The following PRRC2C variants were observed in gnomAD, a reference collection of about 807,000 sequenced individuals.
PRRC2C encodes protein PRRC2C.
PRRC2C carries 72 observed loss-of-function variants against 317.2 expected under a neutral mutation model. The observed-to-expected ratio is 0.23, with a 90% CI of 0.19 to 0.28. PRRC2C has a LOEUF of 0.28. PRRC2C is among the 10% of genes least tolerant of loss of function. The pLI, the probability that PRRC2C is intolerant of heterozygous loss-of-function variation, is 1.00. For missense variants in PRRC2C, 3,074 were observed against 3,459.7 expected, an observed-to-expected ratio of 0.89 and a Z score of 2.80; for synonymous variants, 1,296 against 1,205.9, an observed-to-expected ratio of 1.07 and a Z score of -1.55.
At position 171,541,660 on chromosome 1, in the gene PRRC2C, G is replaced by A. The variant is rs1371903529; in HGVS notation, c.4194G>A (p.Gln1398=). ...EDGEPPRRHE[Q]FIPIAADKRP... ...GAGAGCCGCCAAGAAGACATGAGCAGTTTATTCCTATAGCAGCAGATAAAC... is the reference window on the plus strand; with the variant it reads ...GAGAGCCGCCAAGAAGACATGAGCAATTTATTCCTATAGCAGCAGATAAAC... The change falls in exon 16 of 35, where the codon CAG becomes CAA. Residue 1398 remains glutamine (Q), a synonymous_variant. Coordinates refer to ENST00000647382, the MANE Select transcript of PRRC2C (RefSeq NM_001387844.1). This position sits in a 1 kb window ranked among gnomAD's most constrained non-coding sequence, Gnocchi z 4.1. 3.7e-6 allele frequency: 6 copies of A among 1,613,856 alleles called. No homozygotes were observed. Among genetic ancestry groups the A allele is most frequent in the Non-Finnish European group, 5.1e-6 (6 of 1,179,878 alleles).
chr1:171,504,831 T>C (rs867491469), intron 1 of PRRC2C, among the ~76,000 whole-genome samples: 1 of 152,198 alleles, frequency 6.6e-6, no homozygotes, highest in Non-Finnish European at 1.5e-5. Context: ...AAATTTCTTC[T>C]GAGGTTTTGT....
chr1:171,518,147 C>A (rs966038668), intron 6 of PRRC2C, among the ~76,000 whole-genome samples: 5 of 152,136 alleles, frequency 3.3e-5, no homozygotes, highest in Non-Finnish European at 7.4e-5. Context: ...CAGATATTTT[C>A]ATATCACATT....
intron 1 of PRRC2C, among the ~76,000 whole-genome samples, chr1:171,504,534 C>G (rs1194341225): frequency 1.3e-5 from 2 of 152,118 alleles, no homozygotes; most frequent in Non-Finnish European, 2.9e-5. Flanking sequence ...GGAAGACTGT[C>G]CTTTATCCAC....
At chr1:171,560,212 G>A (rs537447986) in intron 19 of PRRC2C, among the ~76,000 whole-genome samples, 17 of 152,180 alleles carry the variant, frequency 1.1e-4, no homozygotes, top group Non-Finnish European at 2.4e-4. Flanking sequence ...ACAGGGGTTT[G>A]GAAGAAGTTG....
intron 24 of PRRC2C, among the ~76,000 whole-genome samples, chr1:171,571,867 A>T (rs959717086): frequency 6.6e-6 from 1 of 152,182 alleles, no homozygotes; most frequent in Admixed American, 6.5e-5. Context: ...ACACTGTATG[A>T]TTATTTTATG....
chr1:171,589,781 T>C (rs2102900718), intron 34 of PRRC2C, among the ~76,000 whole-genome samples, 176 bp downstream of exon 34: 1 of 152,138 alleles, frequency 6.6e-6, no homozygotes, highest in Non-Finnish European at 1.5e-5. Flanking sequence ...TTCCCATTCC[T>C]TTCATCTTTT....
chr1:171,490,886 TC>T (rs1406529950), intron 1 of PRRC2C, among the ~76,000 whole-genome samples: 1 of 152,240 alleles, frequency 6.6e-6, no homozygotes, highest in Non-Finnish European at 1.5e-5. Flanking sequence ...GTCCTTTTTG[TC>T]ACTTTGTGCC....
chr1:171,541,510 A>T lies in PRRC2C; in HGVS notation c.4044A>T (p.Gly1348=). 1 of 1,613,594 alleles carries T rather than the reference A, an allele frequency of 6.2e-7. No individual in the cohort carries two copies. Among genetic ancestry groups the T allele is most frequent in the Non-Finnish European group, 8.5e-7 (1 of 1,179,734 alleles). Residue 1348 remains glycine, a synonymous_variant, in exon 16 of 35, where the codon GGA becomes GGT. Coordinates refer to ENST00000647382, the MANE Select transcript of PRRC2C (RefSeq NM_001387844.1). The surrounding 1 kb of genome is among the most constrained non-coding windows in gnomAD (Gnocchi z 4.1). ...AGCCTACAAGGAGAGGCAGAGGGGGAACATTCAGGCGTGGTGGAAGGGATC... is the reference window on the plus strand; with the variant it reads ...AGCCTACAAGGAGAGGCAGAGGGGGTACATTCAGGCGTGGTGGAAGGGATC... ...KGEPTRRGRG[G]TFRRGGRDPG...
At chr1:171,577,009 T>C (rs945847996) in intron 25 of PRRC2C, among the ~76,000 whole-genome samples, 1 of 152,212 alleles carries the variant, frequency 6.6e-6, no homozygotes, top group African/African-American at 2.4e-5. Flanking sequence ...TCAAGGCCCA[T>C]GTATATTCAT....
chr1:171,542,324 A>G, intron 16 of PRRC2C, 95 bp downstream of exon 16: 3 of 1,102,952 alleles, frequency 2.7e-6, no homozygotes, highest in South Asian at 3.5e-5. Context: ...CAGTCTAGAT[A>G]AAGGACCAAA....
chr1:171,549,557 A>G (rs1333360387), intron 17 of PRRC2C, among the ~76,000 whole-genome samples: 1 of 152,032 alleles, frequency 6.6e-6, no homozygotes, highest in African/African-American at 2.4e-5. Flanking sequence ...ATATCATTCA[A>G]AACAGGTATT....
chr1:171,499,871 A>C (rs1668771524), intron 1 of PRRC2C, among the ~76,000 whole-genome samples: 1 of 152,236 alleles, frequency 6.6e-6, no homozygotes, highest in Admixed American at 6.5e-5. Context: ...GAAAGCTGTC[A>C]TAGTCATGGA....
chr1:171,490,150 C>G (rs962141083), intron 1 of PRRC2C, among the ~76,000 whole-genome samples: 1 of 152,160 alleles, frequency 6.6e-6, no homozygotes, highest in African/African-American at 2.4e-5. Flanking sequence ...AACTCCTGAC[C>G]TCGTGATCCG....
At chr1:171,584,846 C>T (rs924000096) in intron 30 of PRRC2C, among the ~76,000 whole-genome samples, 2 of 152,108 alleles carry the variant, frequency 1.3e-5, no homozygotes, top group East Asian at 1.9e-4. Context: ...GATCATGGCT[C>T]ATTGCAGCCC....
rs769663312 is a variant in PRRC2C, at chr1:171,550,117, A to G, written c.5004A>G (p.Val1668=). Residue 1668 remains valine, a synonymous_variant, in exon 18 of 35, where the codon GTA becomes GTG. Transcript: ENST00000647382. The stretch of plus-strand genomic sequence containing the variant: ...TTATAATTGATGATCATCCTGAAGT[A>G]ACAGTAATTGAAGATCCCCAGTCAA... ...SVVIIDDHPE[V]TVIEDPQSNL... 1 of 1,608,092 alleles carries G rather than the reference A, an allele frequency of 6.2e-7. No homozygotes were observed. Among genetic ancestry groups the G allele is most frequent in the East Asian group, 2.2e-5 (1 of 44,748 alleles).
chr1:171,587,035 C>T lies in PRRC2C; in HGVS notation c.7782C>T (p.Ser2594=). The stretch of plus-strand genomic sequence containing the variant: ...TACCTTTACCAGCATCGCAGCTTTC[C>T]TTGCCTAATTTTGGATCTACAGGGC... ...VTVPLPASQL[S]LPNFGSTGQP... The change falls in exon 31 of 35, where the codon TCC becomes TCT. Residue 2594 remains serine (S), a synonymous_variant. Coordinates refer to ENST00000647382, the MANE Select transcript of PRRC2C (RefSeq NM_001387844.1). The T allele has an allele frequency of 6.2e-7, 1 of 1,610,610 alleles. No individual in the cohort carries two copies. Among genetic ancestry groups the T allele is most frequent in the Non-Finnish European group, 8.5e-7 (1 of 1,178,240 alleles).
rs766519896 is a variant in PRRC2C, at chr1:171,587,108, A to C, written c.7855A>C (p.Thr2619Pro). Residue 2619 changes from threonine to proline, a missense_variant, in exon 31 of 35, where the codon ACC becomes CCC. Physicochemically the swap from Thr to Pro is conservative, Grantham distance 38. Around this residue, in one of 11 missense-constraint regions of PRRC2C, gnomAD observed 490 missense variants for 663.1 expected, o/e 0.74. Coordinates refer to ENST00000647382, the MANE Select transcript of PRRC2C (RefSeq NM_001387844.1). Reference sequence around the variant, plus strand: ...GACTCTTCAGCCCCCATTACAGCATACCACTCCCCAAGCACAGGCTCAGAG... The same window carrying C: ...GACTCTTCAGCCCCCATTACAGCATCCCACTCCCCAAGCACAGGCTCAGAG... ...PQTLQPPLQH[T>P]TPQAQAQSLS... 1 of 1,611,888 alleles carries C rather than the reference A, an allele frequency of 6.2e-7. No individual in the cohort carries two copies. Among genetic ancestry groups the C allele is most frequent in the Non-Finnish European group, 8.5e-7 (1 of 1,179,094 alleles).
At chr1:171,526,869 C>T (rs1460977683) in intron 10 of PRRC2C, among the ~76,000 whole-genome samples, 5 of 123,450 alleles carry the variant, frequency 4.1e-5, no homozygotes, top group Non-Finnish European at 7.9e-5. Flanking sequence ...AATGCAGTGG[C>T]GTGATCTCCG....
intron 26 of PRRC2C, among the ~76,000 whole-genome samples, chr1:171,578,509 G>GGCGGAGTGAGGCCCTGTCTCGTCGTAA (rs1185422152): frequency 6.6e-6 from 1 of 152,178 alleles, no homozygotes; most frequent in Non-Finnish European, 1.5e-5. Flanking sequence ...ACTCCAGCCT[G>GGCGGAGTGAGGCCCTGTCTCGTCGTAA]GCGGAGTGAG....
Sources: allele counts gnomAD v4.1 joint callset (sites outside exome capture counted in the v4.1 genomes callset), GRCh38; gene constraint gnomAD v4.1.1; regional missense constraint gnomAD v4.1.1; non-coding constraint Gnocchi (gnomAD v3.1); transcripts MANE v1.5; gene names NCBI Gene and HGNC (gene_info 2026-07-23, HGNC 2026-07-21).